Variants in CNTNAP5 observed in about 807,000 individuals in gnomAD.
CNTNAP5 encodes the protein contactin-associated protein-like 5.
In CNTNAP5, 72 loss-of-function variants were observed where a neutral mutation model predicts 150.2. That is an observed-to-expected ratio of 0.48 (90% confidence interval 0.40 to 0.58). CNTNAP5 has a LOEUF of 0.58. CNTNAP5 is among the 20% of genes least tolerant of loss of function. The pLI is 0.00. For missense variants in CNTNAP5, 1,636 were observed against 1,626.2 expected (o/e 1.01, Z -0.10); for synonymous variants, 672 against 619.8 (o/e 1.08, Z -1.25).
chr2:124,157,656 G>A (rs1367332086), intron 1 of CNTNAP5, among the ~76,000 whole-genome samples: 1 of 152,150 alleles, frequency 6.6e-6, no homozygotes, highest in Non-Finnish European at 1.5e-5. Flanking sequence ...AGTAAGTTAT[G>A]TAACTTCTTT....
intron 3 of CNTNAP5, among the ~76,000 whole-genome samples, chr2:124,347,445 C>T (rs986632390): frequency 1.1e-4 from 16 of 152,198 alleles, no homozygotes; most frequent in African/African-American, 3.6e-4. Flanking sequence ...CCTCTTTCCC[C>T]TCCTCCACCA....
At chr2:124,367,170 GACA>G (rs1690396580) in intron 3 of CNTNAP5, among the ~76,000 whole-genome samples, 1 of 152,208 alleles carries the variant, frequency 6.6e-6, no homozygotes, top group South Asian at 2.1e-4. Flanking sequence ...GACGAACAGA[GACA>G]AGCATTTGAA....
intron 19 of CNTNAP5, among the ~76,000 whole-genome samples, chr2:124,808,329 G>C (rs2104653263): frequency 1.3e-5 from 2 of 152,260 alleles, no homozygotes; most frequent in South Asian, 4.1e-4. Context: ...AAGCAGGCCA[G>C]GCACGGTGGC....
At chr2:124,894,135 A>G (rs1678256323) in intron 21 of CNTNAP5, among the ~76,000 whole-genome samples, 1 of 151,698 alleles carries the variant, frequency 6.6e-6, no homozygotes, top group African/African-American at 2.4e-5. Flanking sequence ...CTTTACCAAG[A>G]GTGCTGTTAC....
intron 3 of CNTNAP5, among the ~76,000 whole-genome samples, chr2:124,260,010 AAAAC>A (rs1176493241): frequency 6.6e-6 from 1 of 152,168 alleles, no homozygotes; most frequent in African/African-American, 2.4e-5. Flanking sequence ...GAATTGGAAA[AAAAC>A]TACTTTAAAA....
At chr2:124,297,087 G>C (rs1486343843) in intron 3 of CNTNAP5, among the ~76,000 whole-genome samples, 1 of 152,118 alleles carries the variant, frequency 6.6e-6, no homozygotes, top group Non-Finnish European at 1.5e-5. Context: ...GGAAATTAGG[G>C]GATATGCCTT....
intron 3 of CNTNAP5, among the ~76,000 whole-genome samples, chr2:124,379,707 G>GGAGT (rs1303340347): frequency 6.6e-6 from 1 of 152,120 alleles, no homozygotes; most frequent in Non-Finnish European, 1.5e-5. Context: ...CCCTTGTGAG[G>GGAGT]TCTGGCAGCG....
At chr2:124,567,858 T>TAG (rs35517319) in intron 11 of CNTNAP5, among the ~76,000 whole-genome samples, 23,470 of 132,792 alleles carry the variant, frequency 0.18, 1,897 homozygotes, top group East Asian at 0.52. Context: ...GATAGATAGA[T>TAG]AGATAGATAG....
At chr2:124,248,128 G>T (rs765705986) in intron 3 of CNTNAP5, among the ~76,000 whole-genome samples, 2 of 152,146 alleles carry the variant, frequency 1.3e-5, no homozygotes, top group Non-Finnish European at 2.9e-5. Context: ...AGAGGGAAAT[G>T]CAGAGGCTTT....
chr2:124,773,929 TGTGTGTGTGTGTGTGTGTGA>T (rs906794764), intron 17 of CNTNAP5, among the ~76,000 whole-genome samples: 4 of 146,730 alleles, frequency 2.7e-5, no homozygotes, highest in African/African-American at 1.1e-4. Context: ...TGTGTGTGTG[TGTGTGTGTGTGTGTGTGTGA>T]GAGAGAGAGA....
intron 11 of CNTNAP5, among the ~76,000 whole-genome samples, chr2:124,575,352 C>A (rs1696257911): frequency 6.6e-6 from 1 of 152,182 alleles, no homozygotes; most frequent in Admixed American, 6.5e-5. Context: ...ACTTCAAATT[C>A]TTTAGTGGCT....
chr2:124,229,844 A>C (rs1475910625), intron 2 of CNTNAP5, among the ~76,000 whole-genome samples: 1 of 152,032 alleles, frequency 6.6e-6, no homozygotes, highest in Non-Finnish European at 1.5e-5. Context: ...GAAAATAGAA[A>C]TAGACATCTT....
chr2:124,400,093 G>A (rs1395089272), intron 3 of CNTNAP5, among the ~76,000 whole-genome samples: 8 of 144,984 alleles, frequency 5.5e-5, no homozygotes, highest in African/African-American at 2.0e-4. Flanking sequence ...GATGCACCAT[G>A]AAAACATAAC....
chr2:124,182,954 G>C (rs1197699781), intron 1 of CNTNAP5, among the ~76,000 whole-genome samples: 1 of 152,136 alleles, frequency 6.6e-6, no homozygotes, highest in Non-Finnish European at 1.5e-5. Context: ...CTCTGCTTAT[G>C]ACAGCATTTT....
chr2:124,786,926 A>T (rs532528265), intron 17 of CNTNAP5, among the ~76,000 whole-genome samples: 28 of 152,348 alleles, frequency 1.8e-4, no homozygotes, highest in African/African-American at 5.8e-4. Context: ...ATGGAAATTT[A>T]GTTCACTGTG....
intron 11 of CNTNAP5, among the ~76,000 whole-genome samples, chr2:124,602,306 C>T (rs1220154205): frequency 7.1e-6 from 1 of 140,066 alleles, no homozygotes; most frequent in African/African-American, 2.7e-5. Context: ...CATGCCACTG[C>T]ACTCCAGCCT....
At chr2:124,661,945 G>A (rs1247615564) in intron 13 of CNTNAP5, among the ~76,000 whole-genome samples, 4 of 152,038 alleles carry the variant, frequency 2.6e-5, no homozygotes, top group Admixed American at 2.6e-4. Context: ...GTGGTTTGCT[G>A]CACCAGTCAG....
At chr2:124,795,801 G>A (rs1573622706) in intron 18 of CNTNAP5, among the ~76,000 whole-genome samples, 1 of 152,110 alleles carries the variant, frequency 6.6e-6, no homozygotes, top group African/African-American at 2.4e-5. Context: ...ACAGGTGTGA[G>A]CCACTGTGCC....
chr2:124,531,998 G>A (rs538783135), intron 10 of CNTNAP5, among the ~76,000 whole-genome samples: 15 of 152,234 alleles, frequency 9.9e-5, no homozygotes, highest in Admixed American at 9.8e-4. Context: ...AGTTCTGCCA[G>A]GAATTCTCAA....
Sources: allele counts gnomAD v4.1 joint callset (sites outside exome capture counted in the v4.1 genomes callset), GRCh38; gene constraint gnomAD v4.1.1; transcripts MANE v1.5; gene names NCBI Gene and HGNC (gene_info 2026-07-23, HGNC 2026-07-21).